The following SHOC2 variants were observed in gnomAD, a reference collection of about 807,000 sequenced individuals.
The protein encoded by SHOC2 is leucine-rich repeat protein SHOC-2.
In SHOC2, 4 loss-of-function variants were observed where a neutral mutation model predicts 50.2. That is an observed-to-expected ratio of 0.08 (90% CI 0.04 to 0.18). SHOC2 has a LOEUF of 0.18. Among genes scored for constraint, SHOC2 ranks in the 10% least tolerant of loss-of-function variants. The pLI is 1.00. For synonymous variants in SHOC2, 218 were observed against 244.5 expected (o/e 0.89, Z 1.01); for missense variants, 388 against 669.6 (o/e 0.58, Z 4.64).
intron 1 of SHOC2, among the ~76,000 whole-genome samples, chr10:110,953,079 C>T (rs754003415): frequency 5.9e-5 from 9 of 152,128 alleles, no homozygotes; most frequent in Non-Finnish European, 1.3e-4. Context: ...TGGCTATATA[C>T]CCAGTAATGG....
At position 111,008,845 on chromosome 10, in the gene SHOC2, T is replaced by C. The variant is rs567434264; in HGVS notation, c.1285-403T>C. 4.1e-4 allele frequency among the ~76,000 whole-genome samples: 62 copies of C among 152,250 alleles called. 1 individual carries two copies. Among genetic ancestry groups the C allele is most frequent in the African/African-American group, 1.5e-3 (61 of 41,570 alleles). On this transcript the variant is annotated intron_variant, in intron 6 of 8. Transcript: ENST00000369452. ...AGTATCTTCCAGGATGCTTTCAGTG[T>C]AATAAGAACACCACAGATAATAAAT...
chr10:110,923,836 G>A (rs1431676650), intron 1 of SHOC2, among the ~76,000 whole-genome samples: 1 of 152,052 alleles, frequency 6.6e-6, no homozygotes, highest in Admixed American at 6.5e-5. Context: ...GACTTCTAAC[G>A]TTTAAATACT....
At chr10:110,991,641 T>G (rs1848188051) in intron 3 of SHOC2, among the ~76,000 whole-genome samples, 1 of 152,234 alleles carries the variant, frequency 6.6e-6, no homozygotes, top group Non-Finnish European at 1.5e-5. Context: ...TACTTTATCT[T>G]TCTCCATCCT....
At chr10:110,994,990 T>C (rs893405777) in intron 3 of SHOC2, among the ~76,000 whole-genome samples, 2 of 152,230 alleles carry the variant, frequency 1.3e-5, no homozygotes, top group Admixed American at 1.3e-4. Flanking sequence ...TATTTTTCAA[T>C]TATGTCCAAT....
At chr10:110,943,949 A>G (rs1847199805) in intron 1 of SHOC2, among the ~76,000 whole-genome samples, 1 of 152,128 alleles carries the variant, frequency 6.6e-6, no homozygotes, top group South Asian at 2.1e-4. Flanking sequence ...TCCACATATT[A>G]TCATTTCAGA....
chr10:110,962,846 C>T (rs1384378342), intron 1 of SHOC2, among the ~76,000 whole-genome samples: 1 of 152,180 alleles, frequency 6.6e-6, no homozygotes, highest in Non-Finnish European at 1.5e-5. Context: ...CTCACTGTTA[C>T]AAATTTTCTC....
intron 3 of SHOC2, among the ~76,000 whole-genome samples, chr10:110,994,029 A>G (rs1590826300): frequency 6.6e-6 from 1 of 152,312 alleles, no homozygotes; most frequent in East Asian, 1.9e-4. Context: ...AGATTCAGCC[A>G]TTTTGTTACA....
chr10:110,988,112 A>T (rs1848115268), intron 3 of SHOC2, among the ~76,000 whole-genome samples: 1 of 152,274 alleles, frequency 6.6e-6, no homozygotes, highest in Non-Finnish European at 1.5e-5. Context: ...AAATAAATTA[A>T]AAAGTTACAT....
intron 1 of SHOC2, among the ~76,000 whole-genome samples, chr10:110,943,236 C>T (rs1847184095): frequency 6.6e-6 from 1 of 151,128 alleles, no homozygotes; most frequent in Admixed American, 6.6e-5. Flanking sequence ...GTCTCTGAGG[C>T]TCCGTTTCTT....
At chr10:110,936,769 G>T (rs999854100) in intron 1 of SHOC2, 1 of 1,011,034 alleles carries the variant, frequency 9.9e-7, no homozygotes, top group African/African-American at 1.6e-5. Flanking sequence ...TCTCCTCCAG[G>T]GTGGCTGTCA....
intron 2 of SHOC2, among the ~76,000 whole-genome samples, chr10:110,972,522 G>T (rs1847801995): frequency 6.6e-6 from 1 of 152,126 alleles, no homozygotes; most frequent in Non-Finnish European, 1.5e-5. Context: ...AGGAAATTGT[G>T]ATTTTCACTA....
chr10:111,003,054 TG>T (rs1436485428), intron 4 of SHOC2, among the ~76,000 whole-genome samples: 1 of 152,234 alleles, frequency 6.6e-6, no homozygotes, highest in African/African-American at 2.4e-5. Context: ...GTTTTACCTC[TG>T]TTGTTCCTTT....
At chr10:110,951,761 G>GT (rs1432064187) in intron 1 of SHOC2, 9 of 152,100 alleles carry the variant, frequency 5.9e-5, no homozygotes, top group African/African-American at 9.7e-5. Flanking sequence ...TGCCTCCCAG[G>GT]TTCAAGCGAT....
intron 7 of SHOC2, 35 bp downstream of exon 7, chr10:111,009,420 T>C: frequency 6.4e-7 from 1 of 1,557,854 alleles, no homozygotes; most frequent in Non-Finnish European, 8.8e-7. Context: ...TTTTATAAAG[T>C]TTTTGGAATC....
chr10:110,953,676 G>A (rs560375608), intron 1 of SHOC2, among the ~76,000 whole-genome samples: 8 of 151,824 alleles, frequency 5.3e-5, no homozygotes, highest in Admixed American at 2.0e-4. Context: ...TAACTTGTGC[G>A]TAGTTACAGT....
At chr10:110,991,697 G>T (rs185642384) in intron 3 of SHOC2, among the ~76,000 whole-genome samples, 1 of 152,108 alleles carries the variant, frequency 6.6e-6, no homozygotes, top group Non-Finnish European at 1.5e-5. Flanking sequence ...TTGAGGTTTG[G>T]TGGGAAACTT....
chr10:110,967,424 G>A (rs1161779347), intron 2 of SHOC2, among the ~76,000 whole-genome samples: 11 of 152,140 alleles, frequency 7.2e-5, no homozygotes. Context: ...GCAGTTGAAA[G>A]CCATTGCACA....
intron 1 of SHOC2, among the ~76,000 whole-genome samples, chr10:110,943,273 G>A (rs951463222): frequency 8.5e-6 from 1 of 117,166 alleles, no homozygotes; most frequent in African/African-American, 3.2e-5. Context: ...TTTTTTTTCT[G>A]TTCCTCATAC....
chr10:110,962,229 T>C (rs2134118120), intron 1 of SHOC2, among the ~76,000 whole-genome samples: 1 of 152,296 alleles, frequency 6.6e-6, no homozygotes, highest in South Asian at 2.1e-4. Context: ...CTTCTAAATT[T>C]AGGGTATACA....
Sources: gnomAD v4.1 joint callset for allele counts (sites outside exome capture counted in the v4.1 genomes callset) on GRCh38, gnomAD v4.1.1 for gene constraint, MANE v1.5 for transcripts, NCBI Gene and HGNC (gene_info 2026-07-23, HGNC 2026-07-21) for gene names.